Variants in SCGN observed in about 807,000 individuals in gnomAD.
The protein encoded by SCGN is secretagogin.
In SCGN, 30 loss-of-function variants were observed where a neutral mutation model predicts 39.7. The ratio of observed to expected loss-of-function variants is 0.76; its 90% CI spans 0.57 to 1.03. The LOEUF is 1.03. SCGN is among the 50% of genes least tolerant of loss of function. SCGN has a pLI of 0.00. For synonymous variants in SCGN, 106 were observed against 114.1 expected (o/e 0.93, Z 0.45); for missense variants, 353 against 349.4 (o/e 1.01, Z -0.08).
intron 10 of SCGN, among the ~76,000 whole-genome samples, chr6:25,695,896 G>GT (rs764162475): frequency 2.0e-5 from 3 of 152,172 alleles, no homozygotes; most frequent in Non-Finnish European, 4.4e-5. Context: ...AGAATCTACA[G>GT]CTTAAATGAG....
At chr6:25,696,915 G>C (rs927826378) in intron 10 of SCGN, among the ~76,000 whole-genome samples, 2 of 152,154 alleles carry the variant, frequency 1.3e-5, no homozygotes, top group Non-Finnish European at 2.9e-5. Flanking sequence ...AGGTGGCAAG[G>C]AGAAGAAAAT....
intron 4 of SCGN, among the ~76,000 whole-genome samples, chr6:25,668,694 A>T (rs777956058): frequency 2.0e-5 from 3 of 152,186 alleles, no homozygotes; most frequent in African/African-American, 4.8e-5. Context: ...GTTGCCAGGG[A>T]CAGGCAGACA....
intron 9 of SCGN, 97 bp downstream of exon 9, chr6:25,689,629 C>A: frequency 1.1e-6 from 1 of 940,928 alleles, no homozygotes. Flanking sequence ...CCTAAACTTA[C>A]ATGATGAATA....
chr6:25,673,483 T>C (rs1181368382), intron 6 of SCGN, among the ~76,000 whole-genome samples: 1 of 152,176 alleles, frequency 6.6e-6, no homozygotes, highest in East Asian at 1.9e-4. Context: ...CAATGGGATG[T>C]CCTGAGCTCA....
At chr6:25,662,849 A>G (rs1021782355) in intron 3 of SCGN, among the ~76,000 whole-genome samples, 5 of 152,220 alleles carry the variant, frequency 3.3e-5, no homozygotes, top group Non-Finnish European at 5.9e-5. Context: ...TAGGTGCACT[A>G]AACAAAATAT....
At chr6:25,694,627 C>A (rs900067575) in intron 10 of SCGN, among the ~76,000 whole-genome samples, 27 of 152,206 alleles carry the variant, frequency 1.8e-4, no homozygotes, top group African/African-American at 6.3e-4. Flanking sequence ...TTGGGATTCT[C>A]CAGATGATTT....
At position 25,701,494 on chromosome 6, in the gene SCGN, T is replaced by C; in HGVS notation, c.*159T>C. 1.2e-6 allele frequency: 1 copy of C among 812,824 alleles called. No homozygotes were observed. The highest frequency in any genetic ancestry group is 1.9e-6 in the Non-Finnish European group (1 of 526,506). The allele number at this position is 812,824 out of a possible 1,614,324, so 50.4% of individuals were successfully genotyped here. On this transcript the variant is annotated 3_prime_UTR_variant, in exon 11 of 11. Coordinates refer to ENST00000377961, the MANE Select transcript of SCGN (RefSeq NM_006998.4). ...CGCTAGGGCCTTCCTTCCACCGGCG[T>C]GATCTATCCCTGTCTCACTGAAAGC...
At chr6:25,661,728 C>A in intron 3 of SCGN, 84 bp downstream of exon 3, 1 of 894,648 alleles carries the variant, frequency 1.1e-6, no homozygotes, top group Non-Finnish European at 1.8e-6. Flanking sequence ...CTGTAATATT[C>A]TTTGAAAGAC....
chr6:25,664,089 C>T (rs1315140409), intron 3 of SCGN, among the ~76,000 whole-genome samples: 1 of 152,092 alleles, frequency 6.6e-6, no homozygotes, highest in Non-Finnish European at 1.5e-5. Flanking sequence ...ATTATAACTA[C>T]ATAGGGGAAT....
At chr6:25,669,110 C>CAA (rs3034251) in intron 4 of SCGN, among the ~76,000 whole-genome samples, 38,039 of 137,436 alleles carry the variant, frequency 0.28, 5,263 homozygotes, top group East Asian at 0.33. Flanking sequence ...GACTCCGTCT[C>CAA]AAAAAAAAAA....
At chr6:25,676,670 A>G (rs369231063) in intron 6 of SCGN, among the ~76,000 whole-genome samples, 1 of 152,258 alleles carries the variant, frequency 6.6e-6, no homozygotes, top group African/African-American at 2.4e-5. Flanking sequence ...GCTATTCTAT[A>G]TGCTACTTAA....
Position 25,689,171 on chromosome 6 carries a change from G to A in SCGN, c.528-1G>A. 6.3e-7 allele frequency: 1 copy of A among 1,582,012 alleles called. No individual in the cohort carries two copies. Among genetic ancestry groups the A allele is most frequent in the Non-Finnish European group, 8.6e-7 (1 of 1,161,428 alleles). ...GTGGATTTTTTTTTTTTTCTATTTAGGATTCTGGCTCTTCAGGAAAACTTC... is the reference window on the plus strand; with the variant it reads ...GTGGATTTTTTTTTTTTTCTATTTAAGATTCTGGCTCTTCAGGAAAACTTC... On this transcript the variant is annotated splice_acceptor_variant, in intron 7 of 10. Transcript: ENST00000377961. LOFTEE classifies it high-confidence loss of function.
chr6:25,654,151 T>C (rs1436539425), intron 2 of SCGN, among the ~76,000 whole-genome samples: 1 of 152,224 alleles, frequency 6.6e-6, no homozygotes, highest in East Asian at 1.9e-4. Context: ...AGGGCATTCA[T>C]AGTAGAAGGA....
At chr6:25,661,985 T>G (rs1760346978) in intron 3 of SCGN, among the ~76,000 whole-genome samples, 4 of 152,196 alleles carry the variant, frequency 2.6e-5, no homozygotes, top group African/African-American at 9.6e-5. Flanking sequence ...CTGTTCAAAT[T>G]GAACATTGAT....
chr6:25,689,111 AGTTTTC>A, intron 7 of SCGN, 55 bp from the exon 8 acceptor site: 7 of 1,219,178 alleles, frequency 5.7e-6, no homozygotes, highest in Non-Finnish European at 8.2e-6. Context: ...CAGGGCTATA[AGTTTTC>A]GTATAACTGA....
At chr6:25,677,925 G>T (rs1156425441) in intron 6 of SCGN, among the ~76,000 whole-genome samples, 1 of 152,166 alleles carries the variant, frequency 6.6e-6, no homozygotes, top group Admixed American at 6.5e-5. Context: ...TTGACAGGAA[G>T]TTACCCAGTA....
intron 4 of SCGN, among the ~76,000 whole-genome samples, chr6:25,669,272 A>G (rs1407249832): frequency 2.0e-5 from 3 of 152,154 alleles, no homozygotes; most frequent in Non-Finnish European, 4.4e-5. Context: ...AAGCCCACTC[A>G]ATGGGCTTTC....
At chr6:25,683,035 A>G (rs1249091267) in intron 7 of SCGN, among the ~76,000 whole-genome samples, 1 of 152,208 alleles carries the variant, frequency 6.6e-6, no homozygotes, top group Non-Finnish European at 1.5e-5. Flanking sequence ...ATGGCCTTCT[A>G]TCTGTGCCTC....
At chr6:25,673,120 A>G (rs1008694861) in intron 6 of SCGN, among the ~76,000 whole-genome samples, 1 of 152,142 alleles carries the variant, frequency 6.6e-6, no homozygotes, top group Non-Finnish European at 1.5e-5. Flanking sequence ...ATGACAAAAT[A>G]AGGAACATTT....
Sources: gnomAD v4.1 joint callset for allele counts (sites outside exome capture counted in the v4.1 genomes callset) on GRCh38, gnomAD v4.1.1 for gene constraint, MANE v1.5 for transcripts, NCBI Gene and HGNC (gene_info 2026-07-23, HGNC 2026-07-21) for gene names.